CEP78: variants seen among roughly 807,000 people sequenced by gnomAD.
CEP78 encodes centrosomal protein 78.
CEP78 carries 76 observed loss-of-function variants against 81.2 expected under a neutral mutation model. That is an observed-to-expected ratio of 0.94 (90% CI 0.78 to 1.13). The LOEUF (loss-of-function observed/expected upper bound fraction) is 1.13, where lower values mean the gene tolerates loss of function less well. CEP78 is among the 50% of genes most tolerant of loss of function. CEP78 has a pLI of 0.00. For missense variants in CEP78, 918 were observed against 846.8 expected, an observed-to-expected ratio of 1.08 and a Z score of -1.04; for synonymous variants, 293 against 301.4, an observed-to-expected ratio of 0.97 and a Z score of 0.29.
rs1201134681 is a variant in CEP78, at chr9:78,240,106, A to G, written c.337A>G (p.Lys113Glu). The stretch of plus-strand genomic sequence containing the variant: ...GACCTTCCAGTTGTGTAAAGCTCTT[A>G]AAGGCTGTTTAAGTATATCAAGTGT... ...DVTFQLCKAL[K>E]GCLSISSVLK... is the part of the protein sequence containing the mutation. The change falls in exon 2 of 17, where the codon AAA becomes GAA. Residue 113 changes from lysine to glutamate, a missense_variant. By Grantham distance (56) the Lys-to-Glu change is moderately conservative. Coordinates refer to ENST00000643273, the MANE Select transcript of CEP78 (RefSeq NM_001330691.3). 6.3e-7 allele frequency: 1 copy of G among 1,585,676 alleles called. No individual in the cohort carries two copies. The highest frequency in any genetic ancestry group is 2.2e-5 in the East Asian group (1 of 44,792).
At chr9:78,265,576 C>T in intron 14 of CEP78, 33 bp downstream of exon 14, 1 of 1,520,548 alleles carries the variant, frequency 6.6e-7, no homozygotes, top group Non-Finnish European at 8.9e-7. Context: ...AGTGATTCTA[C>T]AAGTGATTAG....
rs1410763758 is a variant in CEP78 at position 78,240,730 on chromosome 9, G to A, written c.499+366G>A. On this transcript the variant is annotated intron_variant, in intron 3 of 16. Coordinates refer to ENST00000643273, the MANE Select transcript of CEP78 (RefSeq NM_001330691.3). ...GATCCCAGCAATTTGGGAGGCCGAC[G>A]TGGGCGGATCATGAGGTCAGGAGAT... Among the ~76,000 whole-genome samples the A allele has an allele frequency of 3.9e-5, 6 of 152,134 alleles. No homozygotes were observed. In the South Asian group the frequency reaches 8.3e-4, roughly 21 times the overall value.
At chr9:78,242,868 C>T (rs1450000867) in intron 4 of CEP78, among the ~76,000 whole-genome samples, 1 of 152,144 alleles carries the variant, frequency 6.6e-6, no homozygotes, top group Non-Finnish European at 1.5e-5. Flanking sequence ...ATATTCTAGG[C>T]CTCTAAATTT....
At position 78,254,713 on chromosome 9, in the gene CEP78, G is replaced by A. The variant is rs535176563; in HGVS notation, c.1252-123G>A. On this transcript the variant is annotated intron_variant, in intron 10 of 16. Transcript: ENST00000643273. Reference sequence around the variant, plus strand: ...TTTGTTATTGATTGTGTTAGACTAAGGAGTAGTGATAGACATTTATAGAGA... The same window carrying A: ...TTTGTTATTGATTGTGTTAGACTAAAGAGTAGTGATAGACATTTATAGAGA... 1.1e-4 allele frequency: 69 copies of A among 619,098 alleles called. No homozygotes were observed. The African/African-American group carries it at 1.2e-3, about 11-fold the overall frequency. 38.4% of individuals were successfully genotyped at this position (619,098 alleles called of 1,614,324 possible).
chr9:78,243,494 G>A lies in CEP78; in HGVS notation c.636G>A (p.Trp212Ter). 1 of 1,613,582 alleles carries A rather than the reference G, an allele frequency of 6.2e-7. No individual in the cohort carries two copies. Reference protein sequence around the residue: ...YQTMRRHEETWAESLRYRRPD... With the variant: ...YQTMRRHEET ...CCATGAGAAGGCATGAAGAAACCTGGGCTGAGAGTCTTCGCTATAGGAGAC... is the reference window on the plus strand; with the variant it reads ...CCATGAGAAGGCATGAAGAAACCTGAGCTGAGAGTCTTCGCTATAGGAGAC... Residue 212 changes from tryptophan to a stop codon, truncating the protein, a stop_gained, in exon 5 of 17, where the codon TGG (tryptophan) becomes TGA (stop). Transcript: ENST00000643273. LOFTEE classifies it high-confidence loss of function.
intron 1 of CEP78, among the ~76,000 whole-genome samples, chr9:78,237,034 G>T (rs1825985600): frequency 8.2e-6 from 1 of 121,628 alleles, no homozygotes. Flanking sequence ...AGGCTGGAAT[G>T]CAGTGGCAAG....
intron 16 of CEP78, among the ~76,000 whole-genome samples, chr9:78,268,383 G>T (rs1417287287): frequency 6.6e-6 from 1 of 152,160 alleles, no homozygotes; most frequent in Non-Finnish European, 1.5e-5. Flanking sequence ...CAAGGAGGCA[G>T]CTAGGGGAAC....
intron 4 of CEP78, among the ~76,000 whole-genome samples, chr9:78,242,834 G>A (rs1461091229): frequency 1.3e-5 from 2 of 152,134 alleles, no homozygotes; most frequent in Non-Finnish European, 2.9e-5. Context: ...ACCAATTTCC[G>A]AAGGCATATC....
intron 11 of CEP78, among the ~76,000 whole-genome samples, chr9:78,258,985 C>G (rs1202206560): frequency 1.3e-5 from 2 of 152,108 alleles, no homozygotes; most frequent in African/African-American, 2.4e-5. Flanking sequence ...TACGTTGGGA[C>G]CCAACAAGTC....
rs1202001025 is a variant in CEP78, at chr9:78,236,121, G to C, written c.-230G>C. The C allele has an allele frequency of 3.7e-6, 2 of 539,306 alleles. No individual in the cohort carries two copies. Among genetic ancestry groups the C allele is most frequent in the Non-Finnish European group, 6.5e-6 (2 of 308,014 alleles). 33.4% of individuals were successfully genotyped at this position (539,306 alleles called of 1,614,324 possible). On this transcript the variant is annotated 5_prime_UTR_variant, in exon 1 of 17. Transcript: ENST00000643273. ...GAGGACTATGAGGCGGGCGCCAACT[G>C]CTTGGGCCGCAGGGCGGGAGGCAGC...
At chr9:78,268,704 A>G (rs942472239) in intron 16 of CEP78, among the ~76,000 whole-genome samples, 9 of 132,828 alleles carry the variant, frequency 6.8e-5, no homozygotes, top group Admixed American at 6.8e-4. Flanking sequence ...TTTTTTTGAG[A>G]TGGAGTCTTG....
At chr9:78,243,826 A>C (rs969359340) in intron 5 of CEP78, among the ~76,000 whole-genome samples, 190 bp downstream of exon 5, 3 of 151,940 alleles carry the variant, frequency 2.0e-5, no homozygotes, top group African/African-American at 7.2e-5. Context: ...TAACAAAAAA[A>C]AAAAAAGTAC....
chr9:78,249,965 T>G lies in CEP78; in HGVS notation c.1069+1092T>G, dbSNP rs1587573959. On this transcript the variant is annotated intron_variant, in intron 8 of 16. Transcript: ENST00000643273. ...AGATAATCTTTTATTTGGATGCTAC[T>G]TTAAATTTTTGAAGGATATCACTTG... The G allele has an allele frequency of 1.1e-5, 3 of 269,788 alleles. No individual in the cohort carries two copies. In the East Asian group the frequency reaches 1.9e-4, roughly 17 times the overall value. 16.7% of individuals were successfully genotyped at this position (269,788 alleles called of 1,614,324 possible).
chr9:78,262,798 G>A, intron 11 of CEP78, 109 bp from the exon 12 acceptor site: 1 of 563,360 alleles, frequency 1.8e-6, no homozygotes, highest in Admixed American at 3.5e-5. Context: ...TGATATCTGA[G>A]TTCACTTCTG....
chr9:78,279,340 A>G lies in CEP78; in HGVS notation c.*8489A>G, dbSNP rs1327247195. ...TGAAAACACTAAAATCAGTTTGCCA[A>G]ATAACCAGCTCTAATTTCTTTATAC... On this transcript the variant is annotated 3_prime_UTR_variant, in exon 17 of 17. Coordinates refer to ENST00000643273, the MANE Select transcript of CEP78 (RefSeq NM_001330691.3). The G allele has an allele frequency of 1.3e-5, 2 of 152,236 alleles. No individual in the cohort carries two copies. The highest frequency in any genetic ancestry group is 1.9e-4 in the East Asian group (1 of 5,200). 9.4% of individuals were successfully genotyped at this position (152,236 alleles called of 1,614,324 possible). A position where few individuals can be genotyped will look rare whatever the true frequency, so the allele number is the denominator to read the frequency against.
Position 78,243,442 on chromosome 9 carries a change from A to G in CEP78, c.604-20A>G, listed in dbSNP as rs745745131. The stretch of plus-strand genomic sequence containing the variant: ...CTCTTTATCCAAGTGTATTAATTTC[A>G]TCTTATTAAATCTTTGAAGTATCAG... On this transcript the variant is annotated intron_variant, in intron 4 of 16. Coordinates refer to ENST00000643273, the MANE Select transcript of CEP78 (RefSeq NM_001330691.3). The G allele has an allele frequency of 6.2e-7, 1 of 1,603,080 alleles. No individual in the cohort carries two copies. The highest frequency in any genetic ancestry group is 8.5e-7 in the Non-Finnish European group (1 of 1,173,762).
chr9:78,239,877 T>A, intron 1 of CEP78, 146 bp from the exon 2 acceptor site: 1 of 614,070 alleles, frequency 1.6e-6, no homozygotes, highest in South Asian at 2.4e-5. Flanking sequence ...GTTTGGTATA[T>A]CCCATGTGGC....
rs1388780446 is a variant in CEP78 at position 78,279,205 on chromosome 9, A to T, written c.*8354A>T. On this transcript the variant is annotated 3_prime_UTR_variant, in exon 17 of 17. Coordinates refer to ENST00000643273, the MANE Select transcript of CEP78 (RefSeq NM_001330691.3). ...AATGTGTTAGAAAGATGGTCCTCAA[A>T]GTCCTTGAAATGTGAAGGCGGCTTT... The T allele has an allele frequency of 6.6e-6, 1 of 152,208 alleles. No homozygotes were observed. The highest frequency in any genetic ancestry group is 2.4e-5 in the African/African-American group (1 of 41,448). The allele number at this position is 152,208 out of a possible 1,614,324, so 9.4% of individuals were successfully genotyped here. A position where few individuals can be genotyped will look rare whatever the true frequency, so the allele number is the denominator to read the frequency against.
chr9:78,248,348 A>C lies in CEP78; in HGVS notation c.950A>C (p.Lys317Thr). 3 of 1,561,702 alleles carry C rather than the reference A, an allele frequency of 1.9e-6. No individual in the cohort carries two copies. Among genetic ancestry groups the C allele is most frequent in the Non-Finnish European group, 2.6e-6 (3 of 1,132,520 alleles). Reference protein sequence around the residue: ...KKVLQNGRSAKSEYQWITSPS... With the variant: ...KKVLQNGRSATSEYQWITSPS... ...GTCCTCCAGAATGGAAGGAGTGCCAAATCAGAGGTATATCATGTTTTATTT... is the reference window on the plus strand; with the variant it reads ...GTCCTCCAGAATGGAAGGAGTGCCACATCAGAGGTATATCATGTTTTATTT... The change falls in exon 7 of 17, where the codon AAA (lysine) becomes ACA (threonine). Residue 317 changes from lysine to threonine, a missense_variant. Transcript: ENST00000643273.
Sources: gnomAD v4.1 joint callset for allele counts (sites outside exome capture counted in the v4.1 genomes callset) on GRCh38, gnomAD v4.1.1 for gene constraint, MANE v1.5 for transcripts, NCBI Gene and HGNC (gene_info 2026-07-23, HGNC 2026-07-21) for gene names.